The following ALPK2 variants were observed in gnomAD, a reference collection of about 807,000 sequenced individuals.
ALPK2 encodes alpha kinase 2.
In ALPK2, 127 loss-of-function variants were observed where a neutral mutation model predicts 163.1. The observed-to-expected ratio is 0.78, with a 90% CI of 0.67 to 0.90. The LOEUF (loss-of-function observed/expected upper bound fraction) is 0.90, where lower values mean the gene tolerates loss of function less well. Among genes scored for constraint, ALPK2 ranks in the 40% least tolerant of loss-of-function variants. The probability of loss-of-function intolerance (pLI) is 0.00; values close to 1 mark genes in which losing one functional copy is unlikely to be tolerated. For synonymous variants in ALPK2, 953 were observed against 959.1 expected, an observed-to-expected ratio of 0.99 and a Z score of 0.12; for missense variants, 2,360 against 2,589.6, an observed-to-expected ratio of 0.91 and a Z score of 1.92.
Position 58,536,337 on chromosome 18 carries a change from C to T in ALPK2, c.3850G>A (p.Val1284Ile). 2 of 1,614,248 alleles carry T rather than the reference C, an allele frequency of 1.2e-6. No individual in the cohort carries two copies. Among genetic ancestry groups the T allele is most frequent in the Non-Finnish European group, 8.5e-7 (1 of 1,180,040 alleles). The change falls in exon 5 of 13, where the codon GTT (valine) becomes ATT (isoleucine). Residue 1284 changes from valine (V) to isoleucine (I), a missense_variant. Val to Ile is a conservative substitution (Grantham distance 29). Coordinates refer to ENST00000361673, the MANE Select transcript of ALPK2 (RefSeq NM_052947.4). ...AVPDSLKADA[V>I]VPELAPSEIA... ...TCAGAGGGGGCCAATTCAGGCACAA[C>T]AGCATCTGCCTTTAGACTATCAGGT...
chr18:58,594,814 C>T (rs746438904), intron 3 of ALPK2, among the ~76,000 whole-genome samples: 1 of 152,194 alleles, frequency 6.6e-6, no homozygotes, highest in African/African-American at 2.4e-5. Flanking sequence ...AGAACCTGGC[C>T]GCTTCCTCCC....
At chr18:58,494,014 C>G (rs531298100) in intron 12 of ALPK2, among the ~76,000 whole-genome samples, 3 of 152,130 alleles carry the variant, frequency 2.0e-5, no homozygotes, top group Non-Finnish European at 4.4e-5. Flanking sequence ...GTCGCCTCCC[C>G]GGGAACTCCC....
intron 3 of ALPK2, among the ~76,000 whole-genome samples, chr18:58,602,908 C>A (rs981068405): frequency 3.9e-5 from 6 of 152,128 alleles, no homozygotes; most frequent in African/African-American, 1.4e-4. Context: ...GTGTTAGATG[C>A]CAAAAGACAC....
intron 11 of ALPK2, among the ~76,000 whole-genome samples, chr18:58,499,569 G>C (rs2051420952): frequency 6.6e-6 from 1 of 152,196 alleles, no homozygotes; most frequent in South Asian, 2.1e-4. Flanking sequence ...TCTCCTTAGG[G>C]TGAGGGTTAT....
chr18:58,626,434 A>G (rs2052231127), intron 1 of ALPK2, among the ~76,000 whole-genome samples: 1 of 152,108 alleles, frequency 6.6e-6, no homozygotes, highest in Non-Finnish European at 1.5e-5. Flanking sequence ...CACTTCAAAG[A>G]GTTTTCACCT....
In ALPK2 at chr18:58,524,025, G is replaced by C. The variant is rs80273727; in HGVS notation, c.5539C>G (p.Gln1847Glu). 40 of 1,613,780 alleles carry C rather than the reference G, an allele frequency of 2.5e-5. No individual in the cohort carries two copies. Among genetic ancestry groups the C allele is most frequent in the Non-Finnish European group, 3.4e-5 (40 of 1,179,862 alleles). ...AGTCCCTGGTCCTTCGGACTGGCTTGCACGATGGCAAAGGAAACAGTGGAG... is the reference window on the plus strand; with the variant it reads ...AGTCCCTGGTCCTTCGGACTGGCTTCCACGATGGCAAAGGAAACAGTGGAG... ...DNSTVSFAIV[Q>E]ASPKDQGLYY... The change falls in exon 7 of 13, where the codon CAA becomes GAA. Residue 1847 changes from glutamine to glutamate, a missense_variant. Gln to Glu is a conservative substitution (Grantham distance 29, BLOSUM62 2). Transcript: ENST00000361673.
intron 11 of ALPK2, among the ~76,000 whole-genome samples, chr18:58,501,910 T>A (rs1276783854): frequency 6.6e-6 from 1 of 152,214 alleles, no homozygotes; most frequent in Non-Finnish European, 1.5e-5. Flanking sequence ...GATAATGTAC[T>A]ATAGTTATGT....
chr18:58,608,277 A>G (rs1602238413), intron 2 of ALPK2, among the ~76,000 whole-genome samples: 2 of 152,212 alleles, frequency 1.3e-5, no homozygotes, highest in Non-Finnish European at 2.9e-5. Flanking sequence ...GACTGATGCT[A>G]TGCATATGTT....
chr18:58,501,858 G>T (rs1032457695), intron 11 of ALPK2, among the ~76,000 whole-genome samples: 2 of 152,140 alleles, frequency 1.3e-5, no homozygotes, highest in African/African-American at 4.8e-5. Flanking sequence ...CAAGTTTCTA[G>T]TGTAGTTGAT....
At chr18:58,546,691 A>G (rs146149344) in intron 4 of ALPK2, among the ~76,000 whole-genome samples, 49 of 152,274 alleles carry the variant, frequency 3.2e-4, no homozygotes, top group African/African-American at 1.1e-3. Flanking sequence ...GGCGGGGACC[A>G]TGTAATGGCA....
intron 10 of ALPK2, among the ~76,000 whole-genome samples, chr18:58,506,124 C>G (rs967430332): frequency 6.6e-6 from 1 of 152,126 alleles, no homozygotes; most frequent in Non-Finnish European, 1.5e-5. Context: ...CCCACCATCT[C>G]CACGTGATGT....
rs752722370 is a variant in ALPK2, at chr18:58,481,815, C to T, written c.*8G>A. On this transcript the variant is annotated 3_prime_UTR_variant, in exon 13 of 13. Transcript: ENST00000361673. Reference sequence around the variant, plus strand: ...GCTAGCCAGTGGCCATTAGGTTACCCAGGGACGTTAGGTTTTCTTTTCGCC... The same window carrying T: ...GCTAGCCAGTGGCCATTAGGTTACCTAGGGACGTTAGGTTTTCTTTTCGCC... The T allele has an allele frequency of 9.3e-6, 15 of 1,611,364 alleles. No homozygotes were observed. Among genetic ancestry groups the T allele is most frequent in the Admixed American group, 1.7e-5 (1 of 59,900 alleles).
At chr18:58,614,913 C>T (rs987183919) in intron 1 of ALPK2, among the ~76,000 whole-genome samples, 5 of 152,196 alleles carry the variant, frequency 3.3e-5, no homozygotes, top group Admixed American at 3.3e-4. Context: ...TCCACCCTCC[C>T]CCCCAACACA....
intron 4 of ALPK2, among the ~76,000 whole-genome samples, chr18:58,542,772 A>C (rs1366379801): frequency 6.6e-6 from 1 of 152,158 alleles, no homozygotes; most frequent in Non-Finnish European, 1.5e-5. Context: ...CCTCCCTTCC[A>C]AGTGCAGGCC....
At chr18:58,594,762 G>A (rs1030547895) in intron 3 of ALPK2, among the ~76,000 whole-genome samples, 3 of 151,996 alleles carry the variant, frequency 2.0e-5, no homozygotes, top group Admixed American at 6.5e-5. Flanking sequence ...CCCCTTTCAC[G>A]TCCAGCATCC....
intron 1 of ALPK2, among the ~76,000 whole-genome samples, chr18:58,625,972 G>T (rs533759740): frequency 6.6e-6 from 1 of 152,254 alleles, no homozygotes; most frequent in Non-Finnish European, 1.5e-5. Context: ...TGTAGGTCAG[G>T]TGTTTATTCT....
Position 58,481,348 on chromosome 18 carries a change from C to T in ALPK2, c.*475G>A, listed in dbSNP as rs1461533681. On this transcript the variant is annotated 3_prime_UTR_variant, in exon 13 of 13. Transcript: ENST00000361673. ...CAGAACCCACCTCCGGCAACAATAGCGTATTAGACACCAGTGGAACAACTT... is the reference window on the plus strand; with the variant it reads ...CAGAACCCACCTCCGGCAACAATAGTGTATTAGACACCAGTGGAACAACTT... 6.1e-6 allele frequency: 1 copy of T among 163,552 alleles called. No homozygotes were observed. The highest frequency in any genetic ancestry group is 1.3e-5 in the Non-Finnish European group (1 of 74,822). The allele number at this position is 163,552 out of a possible 1,614,324, so 10.1% of individuals were successfully genotyped here. A position where few individuals can be genotyped will look rare whatever the true frequency, so the allele number is the denominator to read the frequency against.
chr18:58,575,706 T>G (rs2051917627), intron 4 of ALPK2, among the ~76,000 whole-genome samples: 1 of 152,170 alleles, frequency 6.6e-6, no homozygotes. Flanking sequence ...TGAAGATGAT[T>G]CAAGTTAGCC....
At chr18:58,602,601 T>G (rs2052076999) in intron 3 of ALPK2, among the ~76,000 whole-genome samples, 1 of 152,156 alleles carries the variant, frequency 6.6e-6, no homozygotes. Context: ...GTTTTCCCTT[T>G]TTAAAAGTAT....
Sources: allele counts gnomAD v4.1 joint callset (sites outside exome capture counted in the v4.1 genomes callset), GRCh38; gene constraint gnomAD v4.1.1; transcripts MANE v1.5; gene names NCBI Gene and HGNC (gene_info 2026-07-23, HGNC 2026-07-21).